The following CLTCL1 variants were observed in gnomAD, a reference collection of about 807,000 sequenced individuals.
CLTCL1 encodes the protein clathrin heavy chain 2.
In CLTCL1, 159 loss-of-function variants were observed where a neutral mutation model predicts 190.0. The observed-to-expected ratio is 0.84, with a 90% CI of 0.74 to 0.95. The LOEUF (loss-of-function observed/expected upper bound fraction) is 0.95, where lower values mean the gene tolerates loss of function less well. CLTCL1 is among the 40% of genes least tolerant of loss of function. The pLI is 0.00. For missense variants in CLTCL1, 1,878 were observed against 2,033.4 expected (o/e 0.92, Z 1.47); for synonymous variants, 752 against 769.6 (o/e 0.98, Z 0.38).
At chr22:19,219,194 T>A (rs1555951040) in intron 18 of CLTCL1, among the ~76,000 whole-genome samples, 1 of 150,114 alleles carries the variant, frequency 6.7e-6, no homozygotes, top group Non-Finnish European at 1.5e-5. Flanking sequence ...TATTTATTTA[T>A]TTAATTTTTT....
In CLTCL1 at chr22:19,291,669, G is replaced by T. The variant is rs1555994205; in HGVS notation, c.-28C>A. 2 of 1,359,880 alleles carry T rather than the reference G, an allele frequency of 1.5e-6. No homozygotes were observed. The highest frequency in any genetic ancestry group is 2.1e-4 in the Middle Eastern group (1 of 4,806). The allele number at this position is 1,359,880 out of a possible 1,614,324, so 84.2% of individuals were successfully genotyped here. ...CTGGTGCGGGACCTCGGCGGCGGCG[G>T]CGGCAGCGGCAGGAATGAACGCCGA... On this transcript the variant is annotated 5_prime_UTR_variant, in exon 1 of 33. Transcript: ENST00000427926.
rs1205551176 is a variant in CLTCL1 at position 19,218,797 on chromosome 22, C to T, written c.2919+1088G>A. Among the ~76,000 whole-genome samples the T allele has an allele frequency of 3.9e-5, 6 of 152,292 alleles. No homozygotes were observed. In the East Asian group the frequency reaches 9.6e-4, roughly 24 times the overall value. ...GGCTGTGGGAAGCCCTCCCAGAGGCCGAGGCAGACTCCCACCTGCCAGGCC... is the reference window on the plus strand; with the variant it reads ...GGCTGTGGGAAGCCCTCCCAGAGGCTGAGGCAGACTCCCACCTGCCAGGCC... On this transcript the variant is annotated intron_variant, in intron 18 of 32. Transcript: ENST00000427926.
chr22:19,246,277 G>A (rs1555967920), intron 3 of CLTCL1, among the ~76,000 whole-genome samples: 1 of 151,734 alleles, frequency 6.6e-6, no homozygotes, highest in Non-Finnish European at 1.5e-5. Context: ...AGCCAGGATG[G>A]TCTTGATCTC....
At chr22:19,250,371 T>C (rs1194809998) in intron 3 of CLTCL1, among the ~76,000 whole-genome samples, 3 of 151,014 alleles carry the variant, frequency 2.0e-5, no homozygotes, top group Non-Finnish European at 4.4e-5. Flanking sequence ...CAGGGTCTTG[T>C]TCTATTGCCC....
At position 19,204,660 on chromosome 22, in the gene CLTCL1, A is replaced by G. The variant is rs5746684; in HGVS notation, c.3601-3167T>C. Among the ~76,000 whole-genome samples the G allele has an allele frequency of 9.4e-3, 1,433 of 152,316 alleles. 34 individuals are homozygous for G. Among genetic ancestry groups the G allele is most frequent in the East Asian group, 0.069 (356 of 5,186 alleles). On this transcript the variant is annotated intron_variant, in intron 22 of 32. Coordinates refer to ENST00000427926, the MANE Select transcript of CLTCL1 (RefSeq NM_007098.4). The stretch of plus-strand genomic sequence containing the variant: ...GATGAATGCATAAATGAAGTATTCT[A>G]TCAAAGGGGTAAGCATGTAAGACTT...
chr22:19,246,749 C>A (rs1379172610), intron 3 of CLTCL1, among the ~76,000 whole-genome samples: 1 of 152,136 alleles, frequency 6.6e-6, no homozygotes, highest in East Asian at 1.9e-4. Context: ...AAATTATAAC[C>A]ATTCGAGTGG....
In CLTCL1 at chr22:19,196,676, G is replaced by A. The variant is rs201068666; in HGVS notation, c.3874-20C>T. 22 of 1,603,952 alleles carry A rather than the reference G, an allele frequency of 1.4e-5. No homozygotes were observed. The highest frequency in any genetic ancestry group is 2.2e-5 in the South Asian group (2 of 89,864). ...ACGATCCTAGCAGACCAACAGCCAC[G>A]CGTGGGGCAGAGTGATTGCATGCCT... On this transcript the variant is annotated intron_variant, in intron 24 of 32. Transcript: ENST00000427926.
chr22:19,206,689 G>A (rs909641154), intron 22 of CLTCL1, among the ~76,000 whole-genome samples: 1 of 151,898 alleles, frequency 6.6e-6, no homozygotes, highest in African/African-American at 2.4e-5. Flanking sequence ...CTCGCACTTC[G>A]GCCTCCCAAA....
chr22:19,193,086 A>C (rs966519862), intron 26 of CLTCL1, among the ~76,000 whole-genome samples: 2 of 152,112 alleles, frequency 1.3e-5, no homozygotes, highest in Non-Finnish European at 2.9e-5. Context: ...CACCAACCAC[A>C]AGGCTCCTCA....
At chr22:19,269,112 A>T (rs1258725937) in intron 2 of CLTCL1, among the ~76,000 whole-genome samples, 1 of 151,382 alleles carries the variant, frequency 6.6e-6, no homozygotes, top group Admixed American at 6.6e-5. Context: ...GAAGAAAAAA[A>T]GCTAAACAGG....
Position 19,179,955 on chromosome 22 carries a change from G to A in CLTCL1, c.*35C>T. The A allele has an allele frequency of 1.8e-6, 1 of 555,050 alleles. No homozygotes were observed. The highest frequency in any genetic ancestry group is 3.2e-6 in the Non-Finnish European group (1 of 310,800). The allele number at this position is 555,050 out of a possible 1,614,324, so 34.4% of individuals were successfully genotyped here. ...CCATAGGGGAAGCTGGCAGGGGCTG[G>A]GCCCACGGCAGGGCCTGCAGAGGGG... On this transcript the variant is annotated 3_prime_UTR_variant, in exon 33 of 33. Transcript: ENST00000427926.
At chr22:19,286,142 T>C (rs765568327) in intron 1 of CLTCL1, among the ~76,000 whole-genome samples, 1 of 152,150 alleles carries the variant, frequency 6.6e-6, no homozygotes, top group Non-Finnish European at 1.5e-5. Flanking sequence ...AAAAAAGCAC[T>C]GGTTTGTGTA....
At position 19,234,648 on chromosome 22, in the gene CLTCL1, T is replaced by G; in HGVS notation, c.1028A>C (p.Gln343Pro). 1.2e-6 allele frequency: 2 copies of G among 1,614,048 alleles called. No individual in the cohort carries two copies. Among genetic ancestry groups the G allele is most frequent in the Non-Finnish European group, 8.5e-7 (1 of 1,179,894 alleles). The change falls in exon 7 of 33, where the codon CAG becomes CCG. Residue 343 changes from glutamine to proline, a missense_variant. Coordinates refer to ENST00000427926, the MANE Select transcript of CLTCL1 (RefSeq NM_007098.4). The stretch of plus-strand genomic sequence containing the variant: ...CAAACGCAGACCAAGGTCTGGATTC[T>G]GAAGCACGTTGGTTGCATAATTCAC... ...NIVNYATNVL[Q>P]NPDLGLRLAV...
intron 1 of CLTCL1, among the ~76,000 whole-genome samples, chr22:19,289,914 G>A (rs2088047769): frequency 6.6e-6 from 1 of 152,192 alleles, no homozygotes; most frequent in Non-Finnish European, 1.5e-5. Flanking sequence ...AGGGATTTAA[G>A]GAACAGGCTG....
chr22:19,222,189 G>A, intron 15 of CLTCL1, 96 bp from the exon 16 acceptor site: 6 of 1,307,924 alleles, frequency 4.6e-6, no homozygotes, highest in Non-Finnish European at 6.5e-6. Flanking sequence ...AACCCTGAAA[G>A]GGCTCCTGTT....
chr22:19,179,955 G>C lies in CLTCL1; in HGVS notation c.*35C>G. On this transcript the variant is annotated 3_prime_UTR_variant, in exon 33 of 33. Transcript: ENST00000427926. Reference sequence around the variant, plus strand: ...CCATAGGGGAAGCTGGCAGGGGCTGGGCCCACGGCAGGGCCTGCAGAGGGG... The same window carrying C: ...CCATAGGGGAAGCTGGCAGGGGCTGCGCCCACGGCAGGGCCTGCAGAGGGG... 1 of 555,050 alleles carries C rather than the reference G, an allele frequency of 1.8e-6. No individual in the cohort carries two copies. The highest frequency in any genetic ancestry group is 3.2e-6 in the Non-Finnish European group (1 of 310,800). The allele number at this position is 555,050 out of a possible 1,614,324, so 34.4% of individuals were successfully genotyped here.
intron 3 of CLTCL1, among the ~76,000 whole-genome samples, chr22:19,245,524 A>G (rs1456992210): frequency 5.3e-5 from 8 of 152,118 alleles, no homozygotes; most frequent in Non-Finnish European, 1.2e-4. Flanking sequence ...GGTGACATTC[A>G]CAAAACAAAA....
At chr22:19,201,955 GTTC>G (rs2084901118) in intron 22 of CLTCL1, among the ~76,000 whole-genome samples, 1 of 152,050 alleles carries the variant, frequency 6.6e-6, no homozygotes, top group Admixed American at 6.5e-5. Context: ...TGGGGACCTT[GTTC>G]TTCTCACAAG....
chr22:19,275,441 T>C (rs571692159), intron 2 of CLTCL1, among the ~76,000 whole-genome samples, 182 bp downstream of exon 2: 1 of 152,222 alleles, frequency 6.6e-6, no homozygotes, highest in South Asian at 2.1e-4. Context: ...CAAGAAGCTC[T>C]GGTGCTCAGG....
Sources: gnomAD v4.1 joint callset for allele counts (sites outside exome capture counted in the v4.1 genomes callset) on GRCh38, gnomAD v4.1.1 for gene constraint, MANE v1.5 for transcripts, NCBI Gene and HGNC (gene_info 2026-07-23, HGNC 2026-07-21) for gene names.